Variants in BBX observed in about 807,000 individuals in gnomAD.
The protein encoded by BBX is BBX high mobility group box domain containing.
Under a neutral mutation model 100.2 loss-of-function variants are expected in BBX, and 30 were observed. The observed-to-expected ratio is 0.30, with a 90% CI of 0.22 to 0.41. The LOEUF (loss-of-function observed/expected upper bound fraction) is 0.41, where lower values mean the gene tolerates loss of function less well. BBX is among the 10% of genes least tolerant of loss of function. The probability of loss-of-function intolerance (pLI) is 1.00; values close to 1 mark genes in which losing one functional copy is unlikely to be tolerated. For missense variants in BBX, 1,023 were observed against 1,129.8 expected (o/e 0.91, Z 1.35); for synonymous variants, 376 against 388.1 (o/e 0.97, Z 0.37).
intron 3 of BBX, among the ~76,000 whole-genome samples, chr3:107,658,467 G>A (rs1056521664): frequency 2.6e-5 from 4 of 151,984 alleles, no homozygotes; most frequent in African/African-American, 7.2e-5. Flanking sequence ...TGTCATTGTC[G>A]ACTCTTCTTT....
intron 10 of BBX, among the ~76,000 whole-genome samples, chr3:107,767,236 C>T (rs953546489): frequency 6.6e-6 from 1 of 152,088 alleles, no homozygotes; most frequent in Non-Finnish European, 1.5e-5. Flanking sequence ...CTCCTATGCC[C>T]CCTGCTTCCA....
At chr3:107,563,713 A>G (rs977801914) in intron 2 of BBX, among the ~76,000 whole-genome samples, 2 of 152,170 alleles carry the variant, frequency 1.3e-5, no homozygotes, top group Admixed American at 1.3e-4. Flanking sequence ...GCTGTTTTAC[A>G]TGTTTATAGC....
intron 2 of BBX, among the ~76,000 whole-genome samples, chr3:107,623,861 G>A (rs1015808845): frequency 6.6e-6 from 1 of 152,148 alleles, no homozygotes; most frequent in African/African-American, 2.4e-5. Flanking sequence ...ATAAATATAA[G>A]AATGTAACCT....
At chr3:107,764,121 T>C (rs995257626) in intron 10 of BBX, among the ~76,000 whole-genome samples, 2 of 151,964 alleles carry the variant, frequency 1.3e-5, no homozygotes, top group South Asian at 2.1e-4. Context: ...GCCTCCTGAG[T>C]AGTTAGGATT....
chr3:107,779,691 T>G (rs1025231755), intron 13 of BBX, among the ~76,000 whole-genome samples: 4 of 152,150 alleles, frequency 2.6e-5, no homozygotes, highest in Admixed American at 6.6e-5. Context: ...AGATATAATT[T>G]CATGCATTTT....
At chr3:107,602,019 T>A (rs2054100440) in intron 2 of BBX, among the ~76,000 whole-genome samples, 1 of 152,226 alleles carries the variant, frequency 6.6e-6, no homozygotes. Flanking sequence ...GCTAAATCTG[T>A]TCTGACTGTG....
intron 2 of BBX, among the ~76,000 whole-genome samples, chr3:107,603,385 A>T (rs1342950458): frequency 3.4e-5 from 5 of 148,280 alleles, no homozygotes; most frequent in Admixed American, 2.7e-4. Context: ...TTTTTTATTT[A>T]TTTATTTTTT....
intron 3 of BBX, among the ~76,000 whole-genome samples, chr3:107,674,274 G>A (rs367612257): frequency 7.7e-4 from 117 of 152,180 alleles, no homozygotes; most frequent in African/African-American, 2.6e-3. Flanking sequence ...GTACCGTAAC[G>A]CCTTCGAGCC....
intron 10 of BBX, among the ~76,000 whole-genome samples, chr3:107,768,377 A>G (rs1426160963): frequency 6.6e-6 from 1 of 152,228 alleles, no homozygotes; most frequent in African/African-American, 2.4e-5. Context: ...GGAATTTCAA[A>G]TGGATTAGAA....
chr3:107,797,996 G>A (rs1403916491), intron 15 of BBX, among the ~76,000 whole-genome samples: 2 of 152,210 alleles, frequency 1.3e-5, no homozygotes, highest in Admixed American at 1.3e-4. Flanking sequence ...TTACTGCACA[G>A]TCAATCTACA....
At chr3:107,727,894 G>T (rs921347166) in intron 5 of BBX, among the ~76,000 whole-genome samples, 1 of 152,132 alleles carries the variant, frequency 6.6e-6, no homozygotes, top group Non-Finnish European at 1.5e-5. Context: ...AATAAAAATT[G>T]AAGAATATGT....
intron 2 of BBX, among the ~76,000 whole-genome samples, chr3:107,599,041 C>T (rs1313869319): frequency 6.6e-6 from 1 of 151,992 alleles, no homozygotes; most frequent in Admixed American, 6.6e-5. Flanking sequence ...AGAGCGGGGG[C>T]TGGTGGGAGG....
At position 107,586,334 on chromosome 3, in the gene BBX, A is replaced by G. The variant is rs369300746; in HGVS notation, c.-83-59502A>G. ...GTTTGTTGTACATACGTATTCTGGT[A>G]CTACAACTATATATTCATTTCTTGA... On this transcript the variant is annotated intron_variant, in intron 2 of 17. Coordinates refer to ENST00000325805, the MANE Select transcript of BBX (RefSeq NM_001142568.3). Among the ~76,000 whole-genome samples the G allele has an allele frequency of 6.6e-5, 10 of 152,344 alleles. No homozygotes were observed. In the South Asian group the frequency reaches 1.9e-3, roughly 28 times the overall value.
chr3:107,668,323 A>G (rs2058851823), intron 3 of BBX, among the ~76,000 whole-genome samples: 1 of 152,154 alleles, frequency 6.6e-6, no homozygotes, highest in African/African-American at 2.4e-5. Flanking sequence ...CATTTGAATG[A>G]TGACATTATT....
chr3:107,684,920 G>T (rs2059763528), intron 3 of BBX, among the ~76,000 whole-genome samples: 1 of 152,178 alleles, frequency 6.6e-6, no homozygotes, highest in Non-Finnish European at 1.5e-5. Context: ...CACCGTAGAA[G>T]TGCCAGTCCT....
chr3:107,567,575 C>A (rs2051014871), intron 2 of BBX, among the ~76,000 whole-genome samples: 2 of 151,960 alleles, frequency 1.3e-5, no homozygotes, highest in African/African-American at 4.8e-5. Context: ...TTTTAAATTT[C>A]ATTTGCCTGC....
intron 2 of BBX, among the ~76,000 whole-genome samples, chr3:107,562,156 G>A (rs533094894): frequency 4.0e-5 from 6 of 151,234 alleles, no homozygotes; most frequent in African/African-American, 1.2e-4. Context: ...ATTCTCACAC[G>A]TTGAAATAAA....
At chr3:107,710,297 G>A (rs758447683) in intron 3 of BBX, among the ~76,000 whole-genome samples, 155 bp from the exon 4 acceptor site, 1 of 152,058 alleles carries the variant, frequency 6.6e-6, no homozygotes, top group Non-Finnish European at 1.5e-5. Context: ...TTATCTACCA[G>A]TAAATGAGCT....
chr3:107,639,130 A>G (rs1465489825), intron 2 of BBX, among the ~76,000 whole-genome samples: 2 of 152,224 alleles, frequency 1.3e-5, no homozygotes, highest in Non-Finnish European at 2.9e-5. Context: ...ATGTAAATTG[A>G]TAATTAATGA....
Sources: gnomAD v4.1 joint callset for allele counts (sites outside exome capture counted in the v4.1 genomes callset) on GRCh38, gnomAD v4.1.1 for gene constraint, MANE v1.5 for transcripts, NCBI Gene and HGNC (gene_info 2026-07-23, HGNC 2026-07-21) for gene names.